ABL1: variants seen among roughly 807,000 people sequenced by gnomAD.
The protein encoded by ABL1 is ABL proto-oncogene 1, non-receptor tyrosine kinase, also known as tyrosine-protein kinase ABL1.
In ABL1, 11 loss-of-function variants were observed where a neutral mutation model predicts 94.7. The ratio of observed to expected loss-of-function variants is 0.12; its 90% CI spans 0.07 to 0.19. The LOEUF (loss-of-function observed/expected upper bound fraction) is 0.19, where lower values mean the gene tolerates loss of function less well. Among genes scored for constraint, ABL1 ranks in the 10% least tolerant of loss-of-function variants. The pLI is 1.00. For missense variants in ABL1, 1,082 were observed against 1,489.4 expected (o/e 0.73, Z 4.50); for synonymous variants, 656 against 622.4 (o/e 1.05, Z -0.80).
chr9:130,878,671 C>G, intron 8 of ABL1, 104 bp downstream of exon 8: 2 of 1,391,332 alleles, frequency 1.4e-6, no homozygotes, highest in Non-Finnish European at 9.9e-7. Context: ...CATGAGCTCT[C>G]TCCATTCCAG....
chr9:130,834,132 A>G (rs1033310216), upstream of ABL1: 5 of 454,908 alleles, frequency 1.1e-5, no homozygotes, highest in Non-Finnish European at 2.2e-5. Flanking sequence ...TTAAACCTGA[A>G]GAATTGGGAT....
intron 1 of ABL1, among the ~76,000 whole-genome samples, chr9:130,809,480 G>GTGATTATGGAGGC (rs1175851965): frequency 6.6e-6 from 1 of 151,586 alleles, no homozygotes; most frequent in Non-Finnish European, 1.5e-5. Context: ...GAATTGCCAC[G>GTGATTATGGAGGC]TGATTATGGA....
Position 130,862,729 on chromosome 9 carries a change from C to G in ABL1, c.550-34C>G. The stretch of plus-strand genomic sequence containing the variant: ...GTGAGCTCTTTGAGCTTGCCTGTCT[C>G]TGTGGGCTGAAGGCTGTTCCCTGTT... On this transcript the variant is annotated intron_variant, in intron 3 of 10. Coordinates refer to ENST00000318560, the MANE Select transcript of ABL1 (RefSeq NM_005157.6). The surrounding 1 kb of genome is among the most constrained non-coding windows in gnomAD (Gnocchi z 5.5). 3 of 1,601,198 alleles carry G rather than the reference C, an allele frequency of 1.9e-6. No individual in the cohort carries two copies. The highest frequency in any genetic ancestry group is 2.6e-6 in the Non-Finnish European group (3 of 1,174,022).
chr9:130,769,690 G>T (rs1832229347), intron 1 of ABL1, among the ~76,000 whole-genome samples: 1 of 151,746 alleles, frequency 6.6e-6, no homozygotes, highest in Admixed American at 6.6e-5. Flanking sequence ...GGTTTATTGA[G>T]GTATAATTTA....
chr9:130,857,102 A>T (rs1292723837), intron 3 of ABL1, among the ~76,000 whole-genome samples: 1 of 152,218 alleles, frequency 6.6e-6, no homozygotes, highest in East Asian at 1.9e-4. Flanking sequence ...TTCATTTTTT[A>T]AAAATTCTGG....
chr9:130,860,964 G>A (rs1230790535), intron 3 of ABL1, among the ~76,000 whole-genome samples: 2 of 152,190 alleles, frequency 1.3e-5, no homozygotes, highest in Non-Finnish European at 2.9e-5. Flanking sequence ...TGAAGCTAAC[G>A]GCAGCCCTCA....
intron 4 of ABL1, among the ~76,000 whole-genome samples, chr9:130,870,351 A>G (rs1831232541): frequency 6.6e-6 from 1 of 152,208 alleles, no homozygotes; most frequent in Non-Finnish European, 1.5e-5. Context: ...GTCAGTAGCT[A>G]TAAAAGCAAA....
chr9:130,807,989 G>A (rs897034843), intron 1 of ABL1, among the ~76,000 whole-genome samples: 1 of 150,288 alleles, frequency 6.7e-6, no homozygotes, highest in African/African-American at 2.4e-5. Context: ...GTGAGCCACT[G>A]TGCCTGCCCT....
chr9:130,804,579 C>T (rs886308531), intron 1 of ABL1, among the ~76,000 whole-genome samples: 2 of 152,008 alleles, frequency 1.3e-5, no homozygotes, highest in East Asian at 1.9e-4. Flanking sequence ...AGCCAAACTC[C>T]GTCTCGAAAA....
exon 1 of ABL1, among the ~76,000 whole-genome samples, chr9:130,713,455 G>C (rs1223207939): frequency 6.6e-6 from 1 of 151,872 alleles, no homozygotes; most frequent in African/African-American, 2.4e-5. Context: ...GGAGTAAGCT[G>C]CCCGTGCCGC....
chr9:130,830,008 G>A (rs554497607), intron 1 of ABL1, among the ~76,000 whole-genome samples: 7 of 152,150 alleles, frequency 4.6e-5, no homozygotes, highest in Non-Finnish European at 1.0e-4. Flanking sequence ...AGGGATTGCT[G>A]TTTTTTATTA....
chr9:130,752,022 A>T (rs1158250807), intron 1 of ABL1, among the ~76,000 whole-genome samples: 1 of 152,232 alleles, frequency 6.6e-6, no homozygotes, highest in Non-Finnish European at 1.5e-5. Flanking sequence ...ATTCGCTCCA[A>T]ATTCTTAACC....
chr9:130,805,357 C>A (rs1311144948), intron 1 of ABL1, among the ~76,000 whole-genome samples: 1 of 152,200 alleles, frequency 6.6e-6, no homozygotes, highest in Non-Finnish European at 1.5e-5. Context: ...GGATAACAGG[C>A]ATGAGCCACT....
At chr9:130,833,304 G>A (rs559596185), upstream of ABL1, among the ~76,000 whole-genome samples, 1 of 152,108 alleles carries the variant, frequency 6.6e-6, no homozygotes, top group Non-Finnish European at 1.5e-5. Context: ...TCTGATCCAA[G>A]GCCCCTGAAC....
At chr9:130,853,170 CTTTTTTTT>C (rs11418318) in intron 1 of ABL1, among the ~76,000 whole-genome samples, 10 of 75,342 alleles carry the variant, frequency 1.3e-4, no homozygotes, top group African/African-American at 4.3e-4. Context: ...TTTGACTTTT[CTTTTTTTT>C]TTTTTTTTTT....
chr9:130,728,346 G>C lies in ABL1; in HGVS notation c.136+13891G>C, dbSNP rs544433954. On this transcript the variant is annotated intron_variant, in intron 1 of 10. Coordinates refer to the ABL1 transcript ENST00000372348. Reference sequence around the variant, plus strand: ...GCCTCCCAAAGTGCTGGGATTACAGGTGTGAGCCACTGTACCTGGCTGGTT... The same window carrying C: ...GCCTCCCAAAGTGCTGGGATTACAGCTGTGAGCCACTGTACCTGGCTGGTT... Among the ~76,000 whole-genome samples, 6 of 149,068 alleles carry C rather than the reference G, an allele frequency of 4.0e-5. No individual in the cohort carries two copies. In the South Asian group the frequency reaches 1.3e-3, roughly 32 times the overall value.
At chr9:130,790,196 A>G (rs1829887162) in intron 1 of ABL1, among the ~76,000 whole-genome samples, 1 of 152,228 alleles carries the variant, frequency 6.6e-6, no homozygotes, top group African/African-American at 2.4e-5. Context: ...ACTCTAGAAG[A>G]TGAGGTTTAA....
Position 130,790,547 on chromosome 9 carries a change from G to A in ABL1, c.137-63517G>A, listed in dbSNP as rs555152080. The stretch of plus-strand genomic sequence containing the variant: ...TGGCCAGGCTGGAGTGCAGTGGTCT[G>A]ATCATAGCTCATTACAGCCTTGAAC... On this transcript the variant is annotated intron_variant, in intron 1 of 10. Transcript: ENST00000372348. 2.0e-5 allele frequency among the ~76,000 whole-genome samples: 3 copies of A among 151,986 alleles called. No individual in the cohort carries two copies. The East Asian group carries it at 5.8e-4, about 29-fold the overall frequency.
chr9:130,836,988 T>A (rs1180339982), intron 1 of ABL1, among the ~76,000 whole-genome samples: 2 of 152,206 alleles, frequency 1.3e-5, no homozygotes, highest in African/African-American at 4.8e-5. Flanking sequence ...CCTCTGACTC[T>A]ACCCTGAAGG....
Sources: gnomAD v4.1 joint callset for allele counts (sites outside exome capture counted in the v4.1 genomes callset) on GRCh38, gnomAD v4.1.1 for gene constraint, Gnocchi (gnomAD v3.1) non-coding constraint, MANE v1.5 for transcripts, NCBI Gene and HGNC (gene_info 2026-07-23, HGNC 2026-07-21) for gene names.